Variants in SCFD1 observed in about 807,000 individuals in gnomAD.
The protein encoded by SCFD1 is sec1 family domain containing 1.
A neutral mutation model predicts 103.2 loss-of-function variants in SCFD1; 37 were observed. The ratio of observed to expected loss-of-function variants is 0.36; its 90% CI spans 0.28 to 0.47. The LOEUF is 0.47. Ranked by LOEUF, SCFD1 falls within the 20% of genes least tolerant of loss-of-function variation. The pLI is 1.00. For synonymous variants in SCFD1, 264 were observed against 245.0 expected (o/e 1.08, Z -0.73); for missense variants, 639 against 761.2 (o/e 0.84, Z 1.89).
intron 10 of SCFD1, among the ~76,000 whole-genome samples, chr14:30,655,747 T>C (rs1886838441): frequency 6.6e-6 from 1 of 152,198 alleles, no homozygotes; most frequent in Admixed American, 6.5e-5. Context: ...GTTTTAGCCT[T>C]TGCAAATGGC....
chr14:30,714,473 G>A (rs989738433), intron 19 of SCFD1, among the ~76,000 whole-genome samples: 3 of 151,474 alleles, frequency 2.0e-5, no homozygotes, highest in Non-Finnish European at 4.4e-5. Flanking sequence ...ATTTATATTT[G>A]AAAGTACCTA....
At chr14:30,699,848 A>G (rs1566641977) in intron 15 of SCFD1, among the ~76,000 whole-genome samples, 1 of 152,136 alleles carries the variant, frequency 6.6e-6, no homozygotes, top group Non-Finnish European at 1.5e-5. Flanking sequence ...TGCCACCTCA[A>G]AAGTATCCTG....
chr14:30,622,301 T>C (rs757091609), upstream of SCFD1: 5 of 1,593,678 alleles, frequency 3.1e-6, no homozygotes, highest in Non-Finnish European at 3.4e-6. Context: ...ATCCCCCCGC[T>C]CCGCTCCCCA....
chr14:30,676,637 T>C (rs1005573730), intron 14 of SCFD1: 1 of 152,130 alleles, frequency 6.6e-6, no homozygotes, highest in Non-Finnish European at 1.5e-5. Context: ...AAATTCGGTA[T>C]GTTTGAGAAC....
chr14:30,721,232 T>C (rs1892628443), intron 21 of SCFD1, among the ~76,000 whole-genome samples: 1 of 152,106 alleles, frequency 6.6e-6, no homozygotes, highest in Non-Finnish European at 1.5e-5. Context: ...ATAGCCCTCT[T>C]TTCTCAGTTG....
chr14:30,658,654 A>C (rs552822488), intron 10 of SCFD1, among the ~76,000 whole-genome samples: 1 of 152,218 alleles, frequency 6.6e-6, no homozygotes, highest in South Asian at 2.1e-4. Context: ...CAGCCTCCCA[A>C]AGTGCTGGGA....
At position 30,638,122 on chromosome 14, in the gene SCFD1, T is replaced by C. The variant is rs373981306; in HGVS notation, c.313-3T>C. 5 of 1,599,390 alleles carry C rather than the reference T, an allele frequency of 3.1e-6. No individual in the cohort carries two copies. The highest frequency in any genetic ancestry group is 1.7e-4 in the Middle Eastern group (1 of 5,884). The stretch of plus-strand genomic sequence containing the variant: ...AAGAATAAAGTTTTCATTGTATTGA[T>C]AGGATCTTCGAAATCAACTATATGA... On this transcript the variant is annotated splice_polypyrimidine_tract_variant and splice_region_variant and intron_variant, in intron 4 of 24. Transcript: ENST00000458591.
At chr14:30,672,523 T>C (rs1445696565) in intron 11 of SCFD1, among the ~76,000 whole-genome samples, 2 of 152,200 alleles carry the variant, frequency 1.3e-5, no homozygotes, top group Admixed American at 1.3e-4. Flanking sequence ...GAGAAAAGGC[T>C]TCTGGCCTCC....
rs557304472 is a variant in SCFD1, at chr14:30,718,972, T to C, written c.1684-353T>C. Among the ~76,000 whole-genome samples the C allele has an allele frequency of 8.5e-4, 130 of 152,346 alleles. 1 individual carries two copies. The highest frequency in any genetic ancestry group is 3.0e-3 in the African/African-American group (125 of 41,578). On this transcript the variant is annotated intron_variant, in intron 20 of 24. Transcript: ENST00000458591. ...AAGAGAATTAGTTTCTCTGGCATGG[T>C]AATTAAGAACTTGGGCATTGAAAAT...
chr14:30,627,079 A>G (rs1883545526), intron 1 of SCFD1, among the ~76,000 whole-genome samples: 2 of 152,206 alleles, frequency 1.3e-5, no homozygotes, highest in Admixed American at 6.5e-5. Flanking sequence ...TCAATTTTAT[A>G]AAAATTAAAT....
intron 23 of SCFD1, 108 bp downstream of exon 23, chr14:30,722,667 G>A: frequency 1.7e-6 from 1 of 577,824 alleles, no homozygotes; most frequent in Non-Finnish European, 2.9e-6. Context: ...TTTCTAAAAG[G>A]TAGTTTTAAA....
At chr14:30,722,003 T>C in intron 22 of SCFD1, 86 bp downstream of exon 22, 1 of 909,828 alleles carries the variant, frequency 1.1e-6, no homozygotes, top group East Asian at 2.5e-5. Flanking sequence ...CAAACATGGC[T>C]TTATGATGAT....
At chr14:30,648,088 A>G (rs1319459347) in intron 7 of SCFD1, among the ~76,000 whole-genome samples, 1 of 152,226 alleles carries the variant, frequency 6.6e-6, no homozygotes, top group Non-Finnish European at 1.5e-5. Context: ...TTTTACATAT[A>G]CACACAGACT....
chr14:30,711,864 G>A (rs1170583100), intron 19 of SCFD1, among the ~76,000 whole-genome samples: 1 of 151,988 alleles, frequency 6.6e-6, no homozygotes, highest in Non-Finnish European at 1.5e-5. Flanking sequence ...ACAACGTAGG[G>A]GAATGGGTAG....
intron 14 of SCFD1, among the ~76,000 whole-genome samples, chr14:30,690,670 CGCGCACGGTGCGCACACACACTGGCCT>C (rs1890214381): frequency 1.3e-5 from 2 of 148,196 alleles, no homozygotes; most frequent in Admixed American, 6.7e-5. Flanking sequence ...TGCTTCGGCT[CGCGCACGGTGCGCACACACACTGGCCT>C]GCGCCCACTG....
rs1893166239 is a variant in SCFD1, at chr14:30,727,913, A to C, written c.1836+5354A>C. ...TGAGGAAAGATGAAAAAAAAACATT[A>C]ATTCCAAGCTTAGATAGGTGAAAAT... On this transcript the variant is annotated intron_variant, in intron 23 of 24. Transcript: ENST00000458591. Among the ~76,000 whole-genome samples, 3 of 152,216 alleles carry C rather than the reference A, an allele frequency of 2.0e-5. No homozygotes were observed. The South Asian group carries it at 6.2e-4, about 32-fold the overall frequency.
rs901428030 is a variant in SCFD1 at position 30,640,101 on chromosome 14, A to G, written c.523+237A>G. Among the ~76,000 whole-genome samples the G allele has an allele frequency of 1.2e-4, 19 of 152,322 alleles. No homozygotes were observed. In the Middle Eastern group the frequency reaches 0.01, roughly 82 times the overall value. On this transcript the variant is annotated intron_variant, in intron 6 of 24. Transcript: ENST00000458591. ...AAGTACCAATTCTCTGACCTTTTCT[A>G]TACCCCCACAGCAACTTGCATGAAT... is the stretch of plus-strand genomic sequence containing the variant.
chr14:30,734,762 A>T, intron 23 of SCFD1, 28 bp from the exon 24 acceptor site: 1 of 1,540,428 alleles, frequency 6.5e-7, no homozygotes, highest in East Asian at 2.2e-5. Context: ...TGTTACTTGT[A>T]TCTAAGTTCT....
At chr14:30,676,729 T>G (rs1889064155) in intron 14 of SCFD1, 2 of 151,720 alleles carry the variant, frequency 1.3e-5, no homozygotes, top group Non-Finnish European at 2.9e-5. Flanking sequence ...GAAATTTAAG[T>G]ATGATAACTC....
Sources: gnomAD v4.1 joint callset for allele counts (sites outside exome capture counted in the v4.1 genomes callset) on GRCh38, gnomAD v4.1.1 for gene constraint, MANE v1.5 for transcripts, NCBI Gene and HGNC (gene_info 2026-07-23, HGNC 2026-07-21) for gene names.